The following PMS1 variants were observed in gnomAD, a reference collection of about 807,000 sequenced individuals.
PMS1 encodes the protein PMS1 homolog 1, mismatch repair system component.
In PMS1, 79 loss-of-function variants were observed where a neutral mutation model predicts 93.1. That is an observed-to-expected ratio of 0.85 (90% confidence interval 0.71 to 1.02). The LOEUF (loss-of-function observed/expected upper bound fraction) is 1.02. Ranked by LOEUF, PMS1 falls within the 50% of genes least tolerant of loss-of-function variation. The probability of loss-of-function intolerance (pLI) is 0.00; values close to 1 mark genes in which losing one functional copy is unlikely to be tolerated. For missense variants in PMS1, 1,064 were observed against 1,085.3 expected (o/e 0.98, Z 0.28); for synonymous variants, 335 against 363.4 (o/e 0.92, Z 0.89).
chr2:189,837,977 A>G (rs573722957), intron 5 of PMS1, among the ~76,000 whole-genome samples: 1 of 152,312 alleles, frequency 6.6e-6, no homozygotes, highest in Admixed American at 6.5e-5. Context: ...CAAATTTTAT[A>G]TAGAGAGAAG....
chr2:189,835,652 A>T lies in PMS1; in HGVS notation c.583-8312A>T, dbSNP rs373113325. ...TGGTACTTAAGAAATTTGCCTGGGT[A>T]TGGTGGCTCACACCTGTAATCCCAG... On this transcript the variant is annotated intron_variant, in intron 5 of 12. Coordinates refer to ENST00000441310, the MANE Select transcript of PMS1 (RefSeq NM_000534.5). 1.5e-4 allele frequency among the ~76,000 whole-genome samples: 23 copies of T among 152,230 alleles called. 1 individual carries two copies. Among genetic ancestry groups the T allele is most frequent in the Admixed American group, 1.4e-3 (21 of 15,278 alleles).
intron 9 of PMS1, among the ~76,000 whole-genome samples, chr2:189,859,616 G>C (rs1258815270): frequency 6.6e-6 from 1 of 152,064 alleles, no homozygotes. Flanking sequence ...GGCCCTGGAA[G>C]TTTCATTTTT....
At chr2:189,790,474 T>C (rs1057477050) in intron 1 of PMS1, among the ~76,000 whole-genome samples, 3 of 152,200 alleles carry the variant, frequency 2.0e-5, no homozygotes, top group African/African-American at 4.8e-5. Context: ...GGTGATCTAC[T>C]GTAATGAGTT....
chr2:189,787,247 G>A (rs895341907), intron 1 of PMS1, among the ~76,000 whole-genome samples: 4 of 152,212 alleles, frequency 2.6e-5, no homozygotes, highest in East Asian at 1.9e-4. Flanking sequence ...TGTATATAAA[G>A]GGAAGGAGGA....
rs545764392 is a variant in PMS1 at position 189,824,571 on chromosome 2, T to C, written c.582+6391T>C. Among the ~76,000 whole-genome samples, 3 of 152,204 alleles carry C rather than the reference T, an allele frequency of 2.0e-5. No individual in the cohort carries two copies. The East Asian group carries it at 5.8e-4, about 29-fold the overall frequency. ...TTTATTATTTTCGGAGGACACTGTA[T>C]CAGAACTTATATTTAGCAAACACAA... On this transcript the variant is annotated intron_variant, in intron 5 of 12. Transcript: ENST00000441310.
At chr2:189,866,425 T>A (rs2056664093) in intron 10 of PMS1, among the ~76,000 whole-genome samples, 1 of 152,186 alleles carries the variant, frequency 6.6e-6, no homozygotes, top group African/African-American at 2.4e-5. Context: ...TTCCTCCTTC[T>A]TTTGGAATGT....
intron 2 of PMS1, among the ~76,000 whole-genome samples, chr2:189,794,111 TATTC>T (rs1559214052): frequency 6.6e-6 from 1 of 152,122 alleles, no homozygotes; most frequent in Non-Finnish European, 1.5e-5. Context: ...AACTTAACTT[TATTC>T]ATTTATTTAT....
chr2:189,844,255 G>A (rs2054055641), intron 6 of PMS1, among the ~76,000 whole-genome samples, 175 bp downstream of exon 6: 1 of 152,110 alleles, frequency 6.6e-6, no homozygotes, highest in Admixed American at 6.6e-5. Flanking sequence ...CCCCAGCCCT[G>A]CTTCCCTTTT....
chr2:189,802,318 G>A (rs562747332), intron 3 of PMS1, among the ~76,000 whole-genome samples: 6 of 152,254 alleles, frequency 3.9e-5, no homozygotes, highest in African/African-American at 1.4e-4. Flanking sequence ...TATGTTGCAT[G>A]TATTATATAC....
intron 5 of PMS1, among the ~76,000 whole-genome samples, chr2:189,829,650 T>G (rs1302716050): frequency 6.6e-6 from 1 of 152,210 alleles, no homozygotes; most frequent in Non-Finnish European, 1.5e-5. Context: ...ACACCCATGC[T>G]GAATAGTGCC....
chr2:189,864,769 A>G (rs550236145), intron 10 of PMS1, among the ~76,000 whole-genome samples: 1 of 130,260 alleles, frequency 7.7e-6, no homozygotes, highest in Non-Finnish European at 1.6e-5. Context: ...GTTTAGAAAT[A>G]GTATCAGAAT....
chr2:189,799,655 A>G (rs912710739), intron 3 of PMS1, among the ~76,000 whole-genome samples: 2 of 152,244 alleles, frequency 1.3e-5, no homozygotes, highest in African/African-American at 4.8e-5. Flanking sequence ...AGGGGACCCT[A>G]GTACACCATC....
At chr2:189,820,033 C>G (rs2051686457) in intron 5 of PMS1, among the ~76,000 whole-genome samples, 1 of 152,220 alleles carries the variant, frequency 6.6e-6, no homozygotes, top group African/African-American at 2.4e-5. Context: ...GCAAACTACA[C>G]AGCAATGTGG....
chr2:189,794,808 A>G (rs893887827), intron 2 of PMS1, among the ~76,000 whole-genome samples: 2 of 152,166 alleles, frequency 1.3e-5, no homozygotes, highest in African/African-American at 4.8e-5. Flanking sequence ...GATTTTGAAA[A>G]GATTTTCATC....
intron 3 of PMS1, among the ~76,000 whole-genome samples, chr2:189,799,079 A>G (rs1384614737): frequency 1.3e-5 from 2 of 152,134 alleles, no homozygotes; most frequent in Non-Finnish European, 2.9e-5. Context: ...ACTTAAACCC[A>G]CTTGATAGGC....
intron 1 of PMS1, among the ~76,000 whole-genome samples, chr2:189,789,848 T>C (rs2048687892): frequency 6.6e-6 from 1 of 152,172 alleles, no homozygotes; most frequent in Non-Finnish European, 1.5e-5. Flanking sequence ...TGCAGAGGAA[T>C]TGCATGTTGT....
intron 5 of PMS1, among the ~76,000 whole-genome samples, chr2:189,828,049 G>A (rs1284420810): frequency 1.3e-5 from 2 of 151,820 alleles, no homozygotes; most frequent in African/African-American, 4.8e-5. Flanking sequence ...TCAGCCTCCC[G>A]AATAGCTGGG....
At chr2:189,816,190 C>G (rs975331180) in intron 4 of PMS1, among the ~76,000 whole-genome samples, 1 of 152,204 alleles carries the variant, frequency 6.6e-6, no homozygotes, top group African/African-American at 2.4e-5. Context: ...ACCACCACAC[C>G]TGGTGAAATC....
intron 4 of PMS1, among the ~76,000 whole-genome samples, chr2:189,813,469 GATTGTGGCTT>G (rs2106310935): frequency 6.6e-6 from 1 of 152,312 alleles, no homozygotes; most frequent in East Asian, 1.9e-4. Flanking sequence ...CCTGGAAACA[GATTGTGGCTT>G]ATAATTAATG....
Sources: allele counts gnomAD v4.1 joint callset (sites outside exome capture counted in the v4.1 genomes callset), GRCh38; gene constraint gnomAD v4.1.1; transcripts MANE v1.5; gene names NCBI Gene and HGNC (gene_info 2026-07-23, HGNC 2026-07-21).